The following LRRIQ1 variants were observed in gnomAD, a reference collection of about 807,000 sequenced individuals.
The protein encoded by LRRIQ1 is leucine-rich repeat- and IQ domain-containing protein 1.
A neutral mutation model predicts 211.9 loss-of-function variants in LRRIQ1; 210 were observed. That is an observed-to-expected ratio of 0.99 (90% CI 0.89 to 1.11). LRRIQ1 has a LOEUF of 1.11. LRRIQ1 is among the 50% of genes most tolerant of loss of function. The pLI, the probability that LRRIQ1 is intolerant of heterozygous loss-of-function variation, is 0.00. For synonymous variants in LRRIQ1, 699 were observed against 650.1 expected (o/e 1.08, Z -1.14); for missense variants, 2,136 against 1,939.5 (o/e 1.10, Z -1.90).
At chr12:85,072,112 G>C (rs1399680767) in intron 10 of LRRIQ1, among the ~76,000 whole-genome samples, 1 of 151,718 alleles carries the variant, frequency 6.6e-6, no homozygotes, top group African/African-American at 2.4e-5. Flanking sequence ...TAAATCTATA[G>C]ATTTTCCTCT....
At chr12:85,079,987 A>G (rs1884098794) in intron 11 of LRRIQ1, among the ~76,000 whole-genome samples, 1 of 151,990 alleles carries the variant, frequency 6.6e-6, no homozygotes, top group East Asian at 1.9e-4. Flanking sequence ...AAGAATATCT[A>G]TTAGTATTTC....
At chr12:85,089,670 G>A (rs1215128165) in intron 11 of LRRIQ1, among the ~76,000 whole-genome samples, 2 of 152,198 alleles carry the variant, frequency 1.3e-5, no homozygotes, top group African/African-American at 4.8e-5. Context: ...GCAGCAAAGG[G>A]TTCCAGACTT....
intron 11 of LRRIQ1, among the ~76,000 whole-genome samples, chr12:85,085,527 A>C (rs2136194066): frequency 6.6e-6 from 1 of 152,266 alleles, no homozygotes; most frequent in South Asian, 2.1e-4. Flanking sequence ...TGTATGCATA[A>C]TCCCTTTACC....
chr12:85,042,286 G>A (rs895910301), intron 3 of LRRIQ1, among the ~76,000 whole-genome samples: 2 of 150,976 alleles, frequency 1.3e-5, no homozygotes, highest in Admixed American at 6.6e-5. Context: ...ATAAATCAGA[G>A]CCTTATAAAA....
At chr12:85,197,579 C>T (rs868301560) in intron 24 of LRRIQ1, among the ~76,000 whole-genome samples, 55 of 150,740 alleles carry the variant, frequency 3.6e-4, no homozygotes, top group South Asian at 1.3e-3. Context: ...ATCGCAAGAA[C>T]AAAAAACCAA....
chr12:85,241,237 G>T (rs1202624118), intron 26 of LRRIQ1, among the ~76,000 whole-genome samples: 3 of 151,936 alleles, frequency 2.0e-5, no homozygotes, highest in Admixed American at 2.0e-4. Context: ...ACTTCTATGG[G>T]AGTTGAACTT....
chr12:85,143,903 C>T (rs1481680981), intron 19 of LRRIQ1, among the ~76,000 whole-genome samples: 1 of 151,554 alleles, frequency 6.6e-6, no homozygotes, highest in Non-Finnish European at 1.5e-5. Context: ...TGAGCCAGAA[C>T]TGAAATCTTT....
the LRRIQ1 span, among the ~76,000 whole-genome samples, chr12:85,270,724 T>C: frequency 2.0e-5 from 3 of 152,156 alleles, no homozygotes; most frequent in East Asian, 5.8e-4. Context: ...CCAGGCACTG[T>C]TCTAAATGCT....
intron 24 of LRRIQ1, among the ~76,000 whole-genome samples, chr12:85,167,924 T>C (rs1377876356): frequency 6.6e-6 from 1 of 152,148 alleles, no homozygotes; most frequent in Non-Finnish European, 1.5e-5. Context: ...GCACTAATCC[T>C]TAACCTAAAT....
At chr12:85,194,850 C>T (rs1271696334) in intron 24 of LRRIQ1, among the ~76,000 whole-genome samples, 3 of 151,886 alleles carry the variant, frequency 2.0e-5, no homozygotes, top group Admixed American at 6.6e-5. Context: ...AATAGAGACA[C>T]AAAAAACCCT....
At chr12:85,232,822 T>A in intron 26 of LRRIQ1, 66 bp downstream of exon 26, 1 of 1,052,536 alleles carries the variant, frequency 9.5e-7, no homozygotes, top group Non-Finnish European at 1.5e-6. Flanking sequence ...AATGGCACTT[T>A]AAGATATGTT....
At chr12:85,199,971 T>C (rs1186101897) in intron 24 of LRRIQ1, among the ~76,000 whole-genome samples, 1 of 152,212 alleles carries the variant, frequency 6.6e-6, no homozygotes, top group Non-Finnish European at 1.5e-5. Flanking sequence ...TGGTATCATA[T>C]GAATTTTAAA....
intron 13 of LRRIQ1, among the ~76,000 whole-genome samples, chr12:85,100,498 G>A (rs1435241985): frequency 6.6e-6 from 1 of 151,582 alleles, no homozygotes; most frequent in Non-Finnish European, 1.5e-5. Flanking sequence ...TTGAGATGGG[G>A]TTTGCTATTT....
Position 85,047,286 on chromosome 12 carries a change from A to G in LRRIQ1, c.494A>G (p.Glu165Gly). The change falls in exon 6 of 27, where the codon GAA becomes GGA. Residue 165 changes from glutamate to glycine, a missense_variant. Physicochemically the swap from Glu to Gly is moderately conservative, Grantham distance 98. Transcript: ENST00000393217. ...DINFGYCEVE[E>G]KCRQSFEAWQ... ...AATTTTGGATACTGTGAAGTGGAAG[A>G]AAAATGTAGACAGTCTTTTGAGGCT... is the stretch of plus-strand genomic sequence containing the variant. 6.2e-7 allele frequency: 1 copy of G among 1,602,318 alleles called. No individual in the cohort carries two copies. The highest frequency in any genetic ancestry group is 8.5e-7 in the Non-Finnish European group (1 of 1,177,036).
At chr12:85,270,614 GTTAA>G in the LRRIQ1 span, among the ~76,000 whole-genome samples, 1 of 151,950 alleles carries the variant, frequency 6.6e-6, no homozygotes, top group Non-Finnish European at 1.5e-5. Flanking sequence ...AGCACCATTT[GTTAA>G]TTATTTTTTC....
At chr12:85,170,316 T>G (rs1291130325) in intron 24 of LRRIQ1, among the ~76,000 whole-genome samples, 1 of 150,802 alleles carries the variant, frequency 6.6e-6, no homozygotes, top group African/African-American at 2.4e-5. Flanking sequence ...TCAGTAAAAC[T>G]TACATCACAT....
intron 18 of LRRIQ1, among the ~76,000 whole-genome samples, chr12:85,128,854 A>G (rs1401794150): frequency 6.6e-6 from 1 of 152,204 alleles, no homozygotes; most frequent in Non-Finnish European, 1.5e-5. Context: ...TTATTATTGT[A>G]AAATTTTTGT....
In LRRIQ1 at chr12:85,174,701, C is replaced by CAAAAAAAAAAAAAAAAAAAAAAAAA. The variant is rs71076115; in HGVS notation, c.4822+14009_4822+14010insAAAAAAAAAAAAAAAAAAAAAAAAA. On this transcript the variant is annotated intron_variant, in intron 24 of 26. Transcript: ENST00000393217. ...TGGGTGACAGAGCAAGAGTACAGCT[C>CAAAAAAAAAAAAAAAAAAAAAAAAA]AAAAAAAAAAAAAAAAAAAAAATCT... is the stretch of plus-strand genomic sequence containing the variant. 2.1e-3 allele frequency among the ~76,000 whole-genome samples: 46 copies of CAAAAAAAAAAAAAAAAAAAAAAAAA among 21,580 alleles called. 7 individuals carry two copies. Among genetic ancestry groups the CAAAAAAAAAAAAAAAAAAAAAAAAA allele is most frequent in the Non-Finnish European group, 2.8e-3 (36 of 12,938 alleles). The allele number at this position is 21,580 out of a possible 152,430, so 14.2% of individuals were successfully genotyped here. A position where few individuals can be genotyped will look rare whatever the true frequency, so the allele number is the denominator to read the frequency against.
intron 24 of LRRIQ1, among the ~76,000 whole-genome samples, chr12:85,178,095 T>G (rs1891802530): frequency 3.3e-5 from 5 of 152,010 alleles, no homozygotes; most frequent in Admixed American, 3.3e-4. Flanking sequence ...CGTTCAAAAT[T>G]TTTCTATCAC....
Sources: allele counts gnomAD v4.1 joint callset (sites outside exome capture counted in the v4.1 genomes callset), GRCh38; gene constraint gnomAD v4.1.1; transcripts MANE v1.5; gene names NCBI Gene and HGNC (gene_info 2026-07-23, HGNC 2026-07-21).